The following HDAC9 variants were observed in gnomAD, a reference collection of about 807,000 sequenced individuals.
HDAC9 encodes histone deacetylase 9, also known as MEF-2 interacting transcription repressor (MITR) protein.
A neutral mutation model predicts 139.4 loss-of-function variants in HDAC9; 41 were observed. The ratio of observed to expected loss-of-function variants is 0.29; its 90% CI spans 0.23 to 0.38. The LOEUF (loss-of-function observed/expected upper bound fraction) is 0.38, where lower values mean the gene tolerates loss of function less well. Ranked by LOEUF, HDAC9 falls within the 10% of genes least tolerant of loss-of-function variation. The probability of loss-of-function intolerance (pLI) is 1.00; values close to 1 mark genes in which losing one functional copy is unlikely to be tolerated. For missense variants in HDAC9, 1,147 were observed against 1,297.0 expected (o/e 0.88, Z 1.78); for synonymous variants, 517 against 476.2 (o/e 1.09, Z -1.12).
At chr7:18,413,679 A>G (rs1788781984) in intron 1 of HDAC9, among the ~76,000 whole-genome samples, 1 of 152,202 alleles carries the variant, frequency 6.6e-6, no homozygotes, top group Non-Finnish European at 1.5e-5. Flanking sequence ...AATTGTATAC[A>G]TAGAGGAATA....
At chr7:18,832,149 CA>C (rs958420395) in intron 19 of HDAC9, among the ~76,000 whole-genome samples, 15 of 152,084 alleles carry the variant, frequency 9.9e-5, no homozygotes, top group Admixed American at 7.2e-4. Context: ...AGAGACTGAC[CA>C]TTGTGTTTAG....
chr7:18,551,028 C>A (rs550440624), intron 2 of HDAC9, among the ~76,000 whole-genome samples: 2 of 152,088 alleles, frequency 1.3e-5, no homozygotes, highest in African/African-American at 4.8e-5. Context: ...TAACAACAAC[C>A]ACATACATCA....
intron 2 of HDAC9, among the ~76,000 whole-genome samples, chr7:18,251,337 G>A (rs1198866308): frequency 2.6e-5 from 4 of 152,046 alleles, no homozygotes; most frequent in Non-Finnish European, 4.4e-5. Context: ...GGAGGAAACA[G>A]CACACACTGG....
chr7:18,957,853 G>C (rs1783264902), intron 24 of HDAC9, among the ~76,000 whole-genome samples: 1 of 152,116 alleles, frequency 6.6e-6, no homozygotes. Context: ...GTTCTGAAGG[G>C]TTCTTTTGTG....
At chr7:18,880,139 AG>A (rs1200164602) in intron 22 of HDAC9, among the ~76,000 whole-genome samples, 1 of 152,118 alleles carries the variant, frequency 6.6e-6, no homozygotes, top group Non-Finnish European at 1.5e-5. Flanking sequence ...ATGGCTATTA[AG>A]AAAAAGTCAA....
chr7:18,728,402 A>AAC (rs56281287), intron 13 of HDAC9, among the ~76,000 whole-genome samples: 15,869 of 145,410 alleles, frequency 0.11, 1,010 homozygotes, highest in East Asian at 0.18. Context: ...TTAAGTGTGG[A>AAC]ACACACACAC....
chr7:18,183,108 C>T (rs1007931719), intron 2 of HDAC9, among the ~76,000 whole-genome samples: 1 of 151,448 alleles, frequency 6.6e-6, no homozygotes, highest in Non-Finnish European at 1.5e-5. Flanking sequence ...CTCCTGGGTT[C>T]ACGCCATTCT....
intron 3 of HDAC9, 142 bp downstream of exon 3, chr7:18,585,664 C>A (rs1829256872): frequency 1.7e-6 from 2 of 1,149,826 alleles, no homozygotes; most frequent in Non-Finnish European, 2.4e-6. Flanking sequence ...TGTGATTTTA[C>A]TAGTGAAAAC....
chr7:18,806,137 A>G (rs1392752836), intron 17 of HDAC9, among the ~76,000 whole-genome samples: 1 of 152,240 alleles, frequency 6.6e-6, no homozygotes, highest in Non-Finnish European at 1.5e-5. Flanking sequence ...TCAGATAAAA[A>G]CTAAAGAAAG....
intron 1 of HDAC9, among the ~76,000 whole-genome samples, chr7:18,431,601 G>A (rs142395447): frequency 1.5e-4 from 23 of 152,212 alleles, no homozygotes; most frequent in South Asian, 4.1e-4. Context: ...GGGCTCCCAG[G>A]CAATACATCA....
chr7:18,745,602 A>C (rs1185833270), intron 13 of HDAC9, among the ~76,000 whole-genome samples: 1 of 127,834 alleles, frequency 7.8e-6, no homozygotes, highest in Admixed American at 1.0e-4. Flanking sequence ...TGCGGACTGC[A>C]GTGGCGCAAT....
intron 2 of HDAC9, among the ~76,000 whole-genome samples, chr7:18,533,028 TGAATC>T (rs1177780494): frequency 6.6e-6 from 1 of 152,152 alleles, no homozygotes; most frequent in African/African-American, 2.4e-5. Context: ...TCCCAGTAGT[TGAATC>T]AAATCAATAG....
intron 2 of HDAC9, among the ~76,000 whole-genome samples, chr7:18,281,932 T>C (rs1797133052): frequency 6.6e-6 from 1 of 152,206 alleles, no homozygotes; most frequent in South Asian, 2.1e-4. Context: ...AATTAAAAAT[T>C]GAAGGGGCTT....
intron 13 of HDAC9, among the ~76,000 whole-genome samples, chr7:18,745,145 T>A (rs1787822664): frequency 6.6e-6 from 1 of 152,018 alleles, no homozygotes; most frequent in African/African-American, 2.4e-5. Flanking sequence ...TCCATGTTTC[T>A]GAGAAGCCAA....
Position 18,787,199 on chromosome 7 carries a change from T to G in HDAC9, c.2215-6146T>G, listed in dbSNP as rs143042582. 7.6e-3 allele frequency among the ~76,000 whole-genome samples: 1,151 copies of G among 152,246 alleles called. 6 individuals are homozygous for G. Among genetic ancestry groups the G allele is most frequent in the Non-Finnish European group, 9.6e-3 (650 of 68,014 alleles). ...AGAGATTCTGTACTACTTCAGATTG[T>G]GCCTCCTCCTCTGATGACTAAATCT... On this transcript the variant is annotated intron_variant, in intron 16 of 25. Transcript: ENST00000686413.
chr7:18,961,725 A>G (rs964150295), intron 24 of HDAC9, among the ~76,000 whole-genome samples: 29 of 152,172 alleles, frequency 1.9e-4, no homozygotes, highest in African/African-American at 6.7e-4. Flanking sequence ...TCTACCCTGT[A>G]AAGTAGTTAC....
intron 17 of HDAC9, among the ~76,000 whole-genome samples, chr7:18,823,117 G>A (rs1795112261): frequency 1.3e-5 from 2 of 152,160 alleles, no homozygotes; most frequent in Non-Finnish European, 2.9e-5. Context: ...AGGTGAGAGG[G>A]ACTAAGATTA....
chr7:18,510,561 A>T (rs1801184445), intron 2 of HDAC9, among the ~76,000 whole-genome samples: 1 of 152,184 alleles, frequency 6.6e-6, no homozygotes, highest in Non-Finnish European at 1.5e-5. Context: ...AATTGGAAAT[A>T]ATTTATCCCC....
chr7:18,480,536 A>G (rs747136029), intron 1 of HDAC9, among the ~76,000 whole-genome samples: 2 of 152,160 alleles, frequency 1.3e-5, no homozygotes, highest in Non-Finnish European at 2.9e-5. Flanking sequence ...AGTAGAAGAG[A>G]CAGAGATACC....
Sources: allele counts gnomAD v4.1 joint callset (sites outside exome capture counted in the v4.1 genomes callset), GRCh38; gene constraint gnomAD v4.1.1; transcripts MANE v1.5; gene names NCBI Gene and HGNC (gene_info 2026-07-23, HGNC 2026-07-21).